Variants in ADPGK observed in about 807,000 individuals in gnomAD.
ADPGK encodes ADP-dependent glucokinase.
A neutral mutation model predicts 42.4 loss-of-function variants in ADPGK; 26 were observed. The ratio of observed to expected loss-of-function variants is 0.61; its 90% CI spans 0.45 to 0.85. The LOEUF is 0.85. ADPGK is among the 40% of genes least tolerant of loss of function. The pLI is 0.00. For missense variants in ADPGK, 571 were observed against 627.0 expected (o/e 0.91, Z 0.95); for synonymous variants, 267 against 252.6 (o/e 1.06, Z -0.54).
chr15:72,758,342 A>G (rs887287022), intron 4 of ADPGK: 48 of 632,532 alleles, frequency 7.6e-5, no homozygotes, highest in Non-Finnish European at 2.9e-6. Flanking sequence ...CCAGTAAGTC[A>G]GCAAAACCTC....
At chr15:72,760,061 C>G (rs2066172722) in intron 4 of ADPGK, among the ~76,000 whole-genome samples, 1 of 152,176 alleles carries the variant, frequency 6.6e-6, no homozygotes. Context: ...TGGATGCTAC[C>G]TGCCTTTCTC....
intron 6 of ADPGK, among the ~76,000 whole-genome samples, chr15:72,753,504 C>A (rs2066074119): frequency 6.6e-6 from 1 of 152,194 alleles, no homozygotes; most frequent in Non-Finnish European, 1.5e-5. Flanking sequence ...ATATCCACCT[C>A]CCTGTCTTTC....
intron 6 of ADPGK, among the ~76,000 whole-genome samples, chr15:72,754,399 G>A (rs1310708290): frequency 2.0e-5 from 3 of 152,172 alleles, no homozygotes; most frequent in South Asian, 2.1e-4. Flanking sequence ...TAACATTCTG[G>A]TAGCAAGGAT....
chr15:72,759,347 G>A (rs2066161618), intron 4 of ADPGK, among the ~76,000 whole-genome samples: 1 of 152,144 alleles, frequency 6.6e-6, no homozygotes, highest in Non-Finnish European at 1.5e-5. Flanking sequence ...TCCCATTTGG[G>A]AAAACTAAAG....
Position 72,773,488 on chromosome 15 carries a change from C to T in ADPGK, c.459+1384G>A, listed in dbSNP as rs563096319. On this transcript the variant is annotated intron_variant, in intron 2 of 6. Transcript: ENST00000456471. The stretch of plus-strand genomic sequence containing the variant: ...GAATTTTCATATAATGTTTATCAAC[C>T]TGCCTTAAACTATAAGGAAGTATGA... Among the ~76,000 whole-genome samples the T allele has an allele frequency of 7.9e-5, 12 of 152,250 alleles. No individual in the cohort carries two copies. The South Asian group carries it at 2.3e-3, about 29-fold the overall frequency.
intron 3 of ADPGK, 51 bp from the exon 4 acceptor site, chr15:72,760,578 A>G: frequency 6.4e-7 from 1 of 1,567,350 alleles, no homozygotes; most frequent in Non-Finnish European, 8.7e-7. Flanking sequence ...CTTTCCCCAC[A>G]GAACCTCAAC....
At chr15:72,774,456 G>A (rs949835825) in intron 2 of ADPGK, among the ~76,000 whole-genome samples, 5 of 152,184 alleles carry the variant, frequency 3.3e-5, no homozygotes, top group African/African-American at 1.2e-4. Flanking sequence ...TCCAGGAAGT[G>A]CCTGGACCAT....
intron 1 of ADPGK, chr15:72,783,012 T>G: frequency 6.7e-5 from 11 of 162,996 alleles, no homozygotes; most frequent in East Asian, 1.9e-4. Context: ...TACAGTCGTG[T>G]GGTTTCTAGA....
intron 4 of ADPGK, among the ~76,000 whole-genome samples, chr15:72,759,282 C>G (rs990884470): frequency 3.3e-5 from 5 of 152,186 alleles, no homozygotes; most frequent in Non-Finnish European, 1.5e-5. Flanking sequence ...CGCACACCAA[C>G]CAATCTCTTA....
Position 72,771,005 on chromosome 15 carries a change from T to A in ADPGK, c.522+778A>T, listed in dbSNP as rs189505645. 6.9e-4 allele frequency among the ~76,000 whole-genome samples: 105 copies of A among 152,338 alleles called. No individual in the cohort carries two copies. In the South Asian group the frequency reaches 0.013, roughly 18 times the overall value. The stretch of plus-strand genomic sequence containing the variant: ...CTGATCAAGGTTATTTACTCCATAA[T>A]CATCTTTGATAAATCTCTTCTTTGT... On this transcript the variant is annotated intron_variant, in intron 3 of 6. Transcript: ENST00000456471.
intron 4 of ADPGK, among the ~76,000 whole-genome samples, chr15:72,759,697 GAA>G (rs142237689): frequency 0.075 from 11,465 of 152,180 alleles, 598 homozygotes; most frequent in Non-Finnish European, 0.12. Flanking sequence ...ACAATGTGTT[GAA>G]TCAGAAACTC....
chr15:72,760,210 A>G (rs1193713221), intron 4 of ADPGK, 197 bp downstream of exon 4: 10 of 482,364 alleles, frequency 2.1e-5, no homozygotes, highest in Non-Finnish European at 2.6e-5. Context: ...ATTTTCTTCC[A>G]TGTTATAATA....
intron 1 of ADPGK, among the ~76,000 whole-genome samples, chr15:72,779,867 T>C (rs2066435414): frequency 6.6e-6 from 1 of 152,228 alleles, no homozygotes; most frequent in Non-Finnish European, 1.5e-5. Context: ...ACAGAGAAGC[T>C]TCATCTGAAA....
chr15:72,757,735 C>T (rs1181789101), intron 4 of ADPGK: 1 of 186,578 alleles, frequency 5.4e-6, no homozygotes. Flanking sequence ...TGCAAATCAA[C>T]AAAGACTCTG....
chr15:72,768,701 G>A (rs2066289920), intron 3 of ADPGK, among the ~76,000 whole-genome samples: 1 of 151,888 alleles, frequency 6.6e-6, no homozygotes, highest in African/African-American at 2.4e-5. Flanking sequence ...GATAGGTGTG[G>A]TGGCTCACAC....
Position 72,783,632 on chromosome 15 carries a change from G to A in ADPGK, c.60C>T (p.Val20=), listed in dbSNP as rs1788936764. ...CTGGCAGCTCTGGCTCCAGCAGGAA[G>A]ACGCAGCCCACGGCCAGCGCCAGGA... ...AGFLALAVGC[V]FLLEPELPGS... is the part of the protein sequence containing the mutation. The change falls in exon 1 of 7, where the codon GTC becomes GTT. Residue 20 remains valine, a synonymous_variant. Coordinates refer to ENST00000456471, the MANE Select transcript of ADPGK (RefSeq NM_001365225.1). 6.6e-7 allele frequency: 1 copy of A among 1,514,324 alleles called. No homozygotes were observed. The highest frequency in any genetic ancestry group is 8.8e-7 in the Non-Finnish European group (1 of 1,139,138). The allele number at this position is 1,514,324 out of a possible 1,614,324, so 93.8% of individuals were successfully genotyped here.
intron 2 of ADPGK, among the ~76,000 whole-genome samples, chr15:72,773,136 G>A (rs1361296943): frequency 6.6e-6 from 1 of 151,910 alleles, no homozygotes; most frequent in Non-Finnish European, 1.5e-5. Flanking sequence ...GGGTGGGGGG[G>A]AGGTTAAATC....
rs778160362 is a variant in ADPGK, at chr15:72,756,293, C to T, written c.798G>A (p.Met266Ile). 6.2e-7 allele frequency: 1 copy of T among 1,614,220 alleles called. No homozygotes were observed. The highest frequency in any genetic ancestry group is 8.5e-7 in the Non-Finnish European group (1 of 1,180,026). ...DLVVLSGLHM[M>I]EGQSKELQRK... ...TCTGGAGCTCCTTGCTTTGTCCCTC[C>T]ATCATGTGCAATCCAGAGAGGACCA... Residue 266 changes from methionine to isoleucine, a missense_variant, in exon 5 of 7, where the codon ATG becomes ATA. Met to Ile is a conservative substitution (Grantham distance 10, BLOSUM62 1). Transcript: ENST00000456471.
chr15:72,774,016 T>C (rs2066359444), intron 2 of ADPGK, among the ~76,000 whole-genome samples: 1 of 152,134 alleles, frequency 6.6e-6, no homozygotes, highest in African/African-American at 2.4e-5. Flanking sequence ...TAATTTTTTG[T>C]ATTTTTTGTA....
Sources: allele counts gnomAD v4.1 joint callset (sites outside exome capture counted in the v4.1 genomes callset), GRCh38; gene constraint gnomAD v4.1.1; transcripts MANE v1.5; gene names NCBI Gene and HGNC (gene_info 2026-07-23, HGNC 2026-07-21).